Variants in IQUB observed in about 807,000 individuals in gnomAD.
The protein encoded by IQUB is IQ motif and ubiquitin domain containing.
IQUB carries 86 observed loss-of-function variants against 86.4 expected under a neutral mutation model. The observed-to-expected ratio is 1.00, with a 90% confidence interval of 0.84 to 1.19. IQUB has a LOEUF of 1.19. Among genes scored for constraint, IQUB ranks in the 50% most tolerant of loss-of-function variants. The probability of loss-of-function intolerance (pLI) is 0.00; values close to 1 mark genes in which losing one functional copy is unlikely to be tolerated. For missense variants in IQUB, 946 were observed against 916.9 expected (o/e 1.03, Z -0.41); for synonymous variants, 289 against 304.5 (o/e 0.95, Z 0.53).
chr7:123,458,770 C>G (rs1210432855), intron 11 of IQUB, among the ~76,000 whole-genome samples: 2 of 151,894 alleles, frequency 1.3e-5, no homozygotes, highest in Non-Finnish European at 2.9e-5. Flanking sequence ...TTCAAGTAGT[C>G]ATTGTACTTG....
Position 123,464,814 on chromosome 7 carries a change from A to T in IQUB, c.1758+19T>A. On this transcript the variant is annotated intron_variant, in intron 10 of 12. Transcript: ENST00000324698. Reference sequence around the variant, plus strand: ...TCTTAGGATTTTGAAACAGGAATATAGAGAAAAATGTAGAATACCTTAAGG... The same window carrying T: ...TCTTAGGATTTTGAAACAGGAATATTGAGAAAAATGTAGAATACCTTAAGG... The T allele has an allele frequency of 2.0e-6, 3 of 1,491,998 alleles. No individual in the cohort carries two copies. Among genetic ancestry groups the T allele is most frequent in the Non-Finnish European group, 2.7e-6 (3 of 1,107,140 alleles). The allele number at this position is 1,491,998 out of a possible 1,614,324, so 92.4% of individuals were successfully genotyped here. A position where few individuals can be genotyped will look rare whatever the true frequency, so the allele number is the denominator to read the frequency against.
intron 7 of IQUB, among the ~76,000 whole-genome samples, chr7:123,484,447 A>G (rs1252373903): frequency 1.4e-5 from 2 of 139,798 alleles, no homozygotes; most frequent in Non-Finnish European, 3.2e-5. Flanking sequence ...CATATCAGAT[A>G]GTCTGATAAC....
chr7:123,473,566 G>GT (rs908207001), intron 8 of IQUB, among the ~76,000 whole-genome samples: 8 of 151,648 alleles, frequency 5.3e-5, no homozygotes, highest in Admixed American at 3.3e-4. Flanking sequence ...GAGTTCTTTT[G>GT]TTTTTTTGTT....
intron 7 of IQUB, 142 bp from the exon 8 acceptor site, chr7:123,480,112 C>A: frequency 1.6e-6 from 1 of 633,582 alleles, no homozygotes; most frequent in East Asian, 3.0e-5. Flanking sequence ...ACACCTGATG[C>A]ATGAAAAAAG....
intron 2 of IQUB, among the ~76,000 whole-genome samples, chr7:123,511,227 G>T (rs1030185496): frequency 1.3e-5 from 2 of 151,992 alleles, no homozygotes; most frequent in African/African-American, 4.8e-5. Flanking sequence ...TTAAATCATG[G>T]CTCATGTTCT....
intron 6 of IQUB, 124 bp downstream of exon 6, chr7:123,502,473 A>C (rs1241649908): frequency 1.3e-6 from 1 of 778,602 alleles, no homozygotes; most frequent in Non-Finnish European, 2.1e-6. Flanking sequence ...TTAGCAGTGA[A>C]ATATGACCCA....
rs763074720 is a variant in IQUB at position 123,464,890 on chromosome 7, G to C, written c.1701C>G (p.Leu567=). The part of the protein sequence containing the change: ...LEGLRKRIAT[L]FFHYIKTPLF... ...GAGGTGTTTTGATATAATGAAAAAA[G>C]AGTGTCGCAATTCTTTTTCTGAGTC... The change falls in exon 10 of 13, where the codon CTC becomes CTG. Residue 567 remains leucine, a synonymous_variant. Transcript: ENST00000324698. 3.1e-6 allele frequency: 5 copies of C among 1,606,660 alleles called. 1 individual carries two copies. The East Asian group carries it at 9.0e-5, about 29-fold the overall frequency.
chr7:123,471,141 TTTAAA>T lies in IQUB; in HGVS notation c.1411-1762_1411-1758del, dbSNP rs376044040. Among the ~76,000 whole-genome samples the T allele has an allele frequency of 9.9e-5, 15 of 152,242 alleles. No individual in the cohort carries two copies. In the East Asian group the frequency reaches 1.7e-3, roughly 18 times the overall value. ...TGAGAAGCTGCAGCCCTATAATTAA[TTTAAA>T]TTGTTACAGCATAAATTCAATATTA... On this transcript the variant is annotated intron_variant, in intron 8 of 12. Transcript: ENST00000324698.
At position 123,506,380 on chromosome 7, in the gene IQUB, C is replaced by T. The variant is rs773616084; in HGVS notation, c.533-3017G>A. ...TTGGTACCAACTTTCTGTATTAGTC[C>T]GTTCTCACATTGCTATAAAGAACTA... On this transcript the variant is annotated intron_variant, in intron 3 of 12. Coordinates refer to ENST00000324698, the MANE Select transcript of IQUB (RefSeq NM_178827.5). 3.9e-5 allele frequency among the ~76,000 whole-genome samples: 6 copies of T among 152,216 alleles called. No homozygotes were observed. The South Asian group carries it at 8.3e-4, about 21-fold the overall frequency.
chr7:123,525,314 G>A (rs1266958057), intron 1 of IQUB, among the ~76,000 whole-genome samples: 1 of 152,068 alleles, frequency 6.6e-6, no homozygotes, highest in Non-Finnish European at 1.5e-5. Flanking sequence ...GAATTCGGCT[G>A]TGAATCCATC....
At chr7:123,462,046 G>C (rs1402554401) in intron 10 of IQUB, among the ~76,000 whole-genome samples, 1 of 151,668 alleles carries the variant, frequency 6.6e-6, no homozygotes, top group Non-Finnish European at 1.5e-5. Context: ...AATAAATTTA[G>C]ATTAGTTCAA....
At chr7:123,463,200 A>T (rs1193997523) in intron 10 of IQUB, among the ~76,000 whole-genome samples, 1 of 151,754 alleles carries the variant, frequency 6.6e-6, no homozygotes, top group Non-Finnish European at 1.5e-5. Context: ...GAAATGCAAC[A>T]TGGTGCAGTC....
intron 10 of IQUB, among the ~76,000 whole-genome samples, chr7:123,463,106 G>T (rs559714396): frequency 1.5e-4 from 22 of 151,704 alleles, no homozygotes; most frequent in East Asian, 9.7e-4. Context: ...AGAAGTACAG[G>T]ATAATCCATA....
At chr7:123,527,477 G>A (rs542617836) in intron 1 of IQUB, among the ~76,000 whole-genome samples, 2 of 152,294 alleles carry the variant, frequency 1.3e-5, no homozygotes, top group African/African-American at 4.8e-5. Context: ...TGATGGTGAT[G>A]TACAGATGGG....
chr7:123,514,063 ATAAT>A (rs749532751), intron 1 of IQUB, among the ~76,000 whole-genome samples: 3 of 152,232 alleles, frequency 2.0e-5, no homozygotes, highest in South Asian at 2.1e-4. Context: ...TTAAATAAAA[ATAAT>A]TAATAGTCAT....
In IQUB at chr7:123,465,009, C is replaced by T; in HGVS notation, c.1582G>A (p.Glu528Lys). ...TCCTGAGTTAGTTTACATTCATGTT[C>T]CTATATAAAACACAAAAATATATGG... The part of the protein sequence containing the change: ...VLLTLKHTVK[E>K]HECKLTQEIL... The change falls in exon 10 of 13, where the codon GAA becomes AAA. Residue 528 changes from glutamate to lysine, a missense_variant and splice_region_variant. Physicochemically the swap from Glu to Lys is moderately conservative, Grantham distance 56. Transcript: ENST00000324698. The T allele has an allele frequency of 1.3e-6, 2 of 1,557,488 alleles. No homozygotes were observed. The highest frequency in any genetic ancestry group is 1.4e-5 in the African/African-American group (1 of 71,892).
At chr7:123,503,455 T>C in intron 3 of IQUB, 92 bp from the exon 4 acceptor site, 1 of 699,230 alleles carries the variant, frequency 1.4e-6, no homozygotes. Context: ...CAAATAAAAA[T>C]TGTATATATT....
intron 1 of IQUB, among the ~76,000 whole-genome samples, chr7:123,525,353 C>G (rs953483804): frequency 2.6e-5 from 4 of 152,080 alleles, no homozygotes; most frequent in African/African-American, 9.7e-5. Flanking sequence ...GGTTGGTAAG[C>G]TATTGATTAT....
At chr7:123,498,675 A>G (rs1161694777) in intron 6 of IQUB, among the ~76,000 whole-genome samples, 1 of 152,144 alleles carries the variant, frequency 6.6e-6, no homozygotes, top group Non-Finnish European at 1.5e-5. Flanking sequence ...ATGGCTTCCT[A>G]CTTATATGTC....
Sources: gnomAD v4.1 joint callset for allele counts (sites outside exome capture counted in the v4.1 genomes callset) on GRCh38, gnomAD v4.1.1 for gene constraint, MANE v1.5 for transcripts, NCBI Gene and HGNC (gene_info 2026-07-23, HGNC 2026-07-21) for gene names.